SLC24A1: variants seen among roughly 807,000 people sequenced by gnomAD.
SLC24A1 encodes solute carrier family 24 member 1.
A neutral mutation model predicts 88.1 loss-of-function variants in SLC24A1; 52 were observed. The observed-to-expected ratio is 0.59, with a 90% CI of 0.47 to 0.74. The LOEUF (loss-of-function observed/expected upper bound fraction) is 0.74, where lower values mean the gene tolerates loss of function less well. Among genes scored for constraint, SLC24A1 ranks in the 30% least tolerant of loss-of-function variants. SLC24A1 has a pLI of 0.00. For missense variants in SLC24A1, 1,173 were observed against 1,363.3 expected (o/e 0.86, Z 2.20); for synonymous variants, 455 against 498.0 (o/e 0.91, Z 1.15).
intron 6 of SLC24A1, among the ~76,000 whole-genome samples, chr15:65,646,428 T>G (rs1328414141): frequency 3.3e-5 from 5 of 151,864 alleles, no homozygotes; most frequent in Admixed American, 3.3e-4. Context: ...TTTCTCTCCC[T>G]AGAATGCCTT....
Position 65,655,380 on chromosome 15 carries a change from G to T in SLC24A1, c.*1301G>T, listed in dbSNP as rs900136419. The T allele has an allele frequency of 3.0e-6, 3 of 985,292 alleles. No individual in the cohort carries two copies. In the African/African-American group the frequency reaches 5.2e-5, roughly 17 times the overall value. 61.0% of individuals were successfully genotyped at this position (985,292 alleles called of 1,614,324 possible). A position where few individuals can be genotyped will look rare whatever the true frequency, so the allele number is the denominator to read the frequency against. ...GGTAATTACAAAAGGGAAATTCCAA[G>T]AATGCATAACACAATGACAACATGG... On this transcript the variant is annotated 3_prime_UTR_variant, in exon 10 of 10. Transcript: ENST00000261892.
rs766449693 is a variant in SLC24A1 at position 65,624,135 on chromosome 15, C to T, written c.55C>T (p.Arg19Trp). Residue 19 changes from arginine to tryptophan, a missense_variant, in exon 2 of 10, where the codon CGG (arginine) becomes TGG (tryptophan). Arg to Trp is a moderately radical substitution (Grantham distance 101). Coordinates refer to ENST00000261892, the MANE Select transcript of SLC24A1 (RefSeq NM_004727.3). ...PQERWLLRTK[R>W]LHWSRLLFLL... is the part of the protein sequence containing the mutation. The stretch of plus-strand genomic sequence containing the variant: ...AGAGAGGTGGTTACTCCGGACAAAG[C>T]GGCTTCATTGGAGTCGCCTCCTCTT... The T allele has an allele frequency of 1.6e-5, 25 of 1,612,660 alleles. No individual in the cohort carries two copies. Among genetic ancestry groups the T allele is most frequent in the African/African-American group, 8.0e-5 (6 of 74,794 alleles).
At chr15:65,634,568 T>C (rs2074839921) in intron 2 of SLC24A1, among the ~76,000 whole-genome samples, 1 of 152,152 alleles carries the variant, frequency 6.6e-6, no homozygotes, top group African/African-American at 2.4e-5. Flanking sequence ...TCCAGTGCTG[T>C]TACTCATAAA....
At chr15:65,627,643 G>A (rs1016552873) in intron 2 of SLC24A1, among the ~76,000 whole-genome samples, 1 of 152,210 alleles carries the variant, frequency 6.6e-6, no homozygotes, top group African/African-American at 2.4e-5. Context: ...GCCTTGCTAA[G>A]TTCTCAGGGG....
At chr15:65,652,604 AG>A in intron 8 of SLC24A1, 37 bp from the exon 9 acceptor site, 1 of 1,603,628 alleles carries the variant, frequency 6.2e-7, no homozygotes, top group Non-Finnish European at 8.5e-7. Context: ...GATGTGCCTC[AG>A]GTTTTTCACC....
In SLC24A1 at chr15:65,654,682, G is replaced by A. The variant is rs1380521451; in HGVS notation, c.*603G>A. 1 of 1,271,598 alleles carries A rather than the reference G, an allele frequency of 7.9e-7. No individual in the cohort carries two copies. The highest frequency in any genetic ancestry group is 1.0e-6 in the Non-Finnish European group (1 of 983,768). 78.8% of individuals were successfully genotyped at this position (1,271,598 alleles called of 1,614,324 possible). A position where few individuals can be genotyped will look rare whatever the true frequency, so the allele number is the denominator to read the frequency against. On this transcript the variant is annotated 3_prime_UTR_variant, in exon 10 of 10. Transcript: ENST00000261892. ...ATCATTCCACGTTTTGTAGCCCACT[G>A]CATCTGGATATATACCAGTATTTTC...
Position 65,624,136 on chromosome 15 carries a change from G to A in SLC24A1, c.56G>A (p.Arg19Gln), listed in dbSNP as rs774230867. 1.2e-6 allele frequency: 2 copies of A among 1,613,132 alleles called. No individual in the cohort carries two copies. Among genetic ancestry groups the A allele is most frequent in the South Asian group, 1.1e-5 (1 of 90,960 alleles). Residue 19 changes from arginine (R) to glutamine (Q), a missense_variant, in exon 2 of 10, where the codon CGG becomes CAG. Physicochemically the swap from Arg to Gln is conservative, Grantham distance 43. Transcript: ENST00000261892. ...PQERWLLRTK[R>Q]LHWSRLLFLL... ...GAGAGGTGGTTACTCCGGACAAAGC[G>A]GCTTCATTGGAGTCGCCTCCTCTTC... is the stretch of plus-strand genomic sequence containing the variant.
At chr15:65,656,920 G>A (rs577789140), downstream of SLC24A1, among the ~76,000 whole-genome samples, 1 of 152,338 alleles carries the variant, frequency 6.6e-6, no homozygotes, top group East Asian at 1.9e-4. Context: ...ACCCAGGCTA[G>A]AGTGCAGTGA....
chr15:65,643,663 A>G (rs1373101681), intron 4 of SLC24A1, among the ~76,000 whole-genome samples: 1 of 152,220 alleles, frequency 6.6e-6, no homozygotes, highest in African/African-American at 2.4e-5. Context: ...TCCCAGTTAA[A>G]GAGAGTTGCC....
rs1342161582 is a variant in SLC24A1 at position 65,652,773 on chromosome 15, C to T, written c.3015C>T (p.Ser1005=). Residue 1005 remains serine (S), a synonymous_variant, in exon 9 of 10, where the codon AGC becomes AGT. Transcript: ENST00000261892. The part of the protein sequence containing the change: ...RKGLGDMAVS[S]SVGSNIFDIT... Reference sequence around the variant, plus strand: ...GCCTGGGAGACATGGCTGTGTCAAGCTCTGTGGGCAGTAACATATTTGATA... The same window carrying T: ...GCCTGGGAGACATGGCTGTGTCAAGTTCTGTGGGCAGTAACATATTTGATA... 6 of 1,611,766 alleles carry T rather than the reference C, an allele frequency of 3.7e-6. No individual in the cohort carries two copies. In the East Asian group the frequency reaches 1.3e-4, roughly 36 times the overall value.
In SLC24A1 at chr15:65,625,533, A is replaced by G; in HGVS notation, c.1453A>G (p.Thr485Ala). 1 of 1,614,014 alleles carries G rather than the reference A, an allele frequency of 6.2e-7. No homozygotes were observed. The change falls in exon 2 of 10, where the codon ACA becomes GCA. Residue 485 changes from threonine to alanine, a missense_variant. Thr to Ala is a moderately conservative substitution (Grantham distance 58). Transcript: ENST00000261892. Reference sequence around the variant, plus strand: ...CTTCGTTCCAGCCCTGGGTGTCATCACAGACAAGCTGCAGATCTCCGAGGA... The same window carrying G: ...CTTCGTTCCAGCCCTGGGTGTCATCGCAGACAAGCTGCAGATCTCCGAGGA... ...EYFVPALGVI[T>A]DKLQISEDVA...
At chr15:65,658,895 A>T (rs1051573352), downstream of SLC24A1, among the ~76,000 whole-genome samples, 1 of 152,216 alleles carries the variant, frequency 6.6e-6, no homozygotes, top group Non-Finnish European at 1.5e-5. Context: ...AAATGGGGAG[A>T]CATACTAGAA....
At chr15:65,640,308 G>A (rs1286465787) in intron 4 of SLC24A1, among the ~76,000 whole-genome samples, 2 of 152,230 alleles carry the variant, frequency 1.3e-5, no homozygotes, top group East Asian at 3.8e-4. Context: ...ACGAGGGTAA[G>A]AGCAGGGTCC....
chr15:65,658,620 A>G (rs1307164043), downstream of SLC24A1, among the ~76,000 whole-genome samples: 6 of 152,236 alleles, frequency 3.9e-5, no homozygotes, highest in Non-Finnish European at 8.8e-5. Context: ...AACTGGTTGA[A>G]CATCCCAAAT....
At chr15:65,620,467 G>A (rs1307557133), upstream of SLC24A1, among the ~76,000 whole-genome samples, 2 of 152,114 alleles carry the variant, frequency 1.3e-5, no homozygotes, top group Non-Finnish European at 2.9e-5. Context: ...TACAGGATGA[G>A]AGGTTTATAA....
chr15:65,620,777 A>G (rs2074294528), upstream of SLC24A1, among the ~76,000 whole-genome samples: 1 of 152,272 alleles, frequency 6.6e-6, no homozygotes, highest in Admixed American at 6.5e-5. Flanking sequence ...GAGTTATTTC[A>G]GAAAAAAGAT....
chr15:65,616,066 T>C (rs2074133302), intron 2 of SLC24A1, among the ~76,000 whole-genome samples: 1 of 152,134 alleles, frequency 6.6e-6, no homozygotes, highest in South Asian at 2.1e-4. Context: ...ACTCATCCTT[T>C]TTTATGGCTG....
Position 65,625,488 on chromosome 15 carries a change from GC to G in SLC24A1, c.1410del (p.Ile471LeufsTer99). 3 of 1,614,028 alleles carry G rather than the reference GC, an allele frequency of 1.9e-6. No homozygotes were observed. Among genetic ancestry groups the G allele is most frequent in the Non-Finnish European group, 2.5e-6 (3 of 1,179,904 alleles). ...CATGATGTATGTGTTTGTGGCCTTG[GC>G]CATTGTTTGCGACGAGTACTTCGTT... ...FGMMYVFVAL[A>X]IVCDEYFVPA... On this transcript the variant is annotated frameshift_variant, in exon 2 of 10. Coordinates refer to ENST00000261892, the MANE Select transcript of SLC24A1 (RefSeq NM_004727.3). LOFTEE classifies it high-confidence loss of function.
At chr15:65,626,700 AC>A (rs982474898) in intron 2 of SLC24A1, among the ~76,000 whole-genome samples, 2 of 152,086 alleles carry the variant, frequency 1.3e-5, no homozygotes, top group Non-Finnish European at 2.9e-5. Context: ...CGCTTGAGGG[AC>A]CTTCCTGTTA....
Sources: allele counts gnomAD v4.1 joint callset (sites outside exome capture counted in the v4.1 genomes callset), GRCh38; gene constraint gnomAD v4.1.1; transcripts MANE v1.5; gene names NCBI Gene and HGNC (gene_info 2026-07-23, HGNC 2026-07-21).